Variants in SIK3 observed in about 807,000 individuals in gnomAD.
The protein encoded by SIK3 is SIK family kinase 3, also known as serine/threonine-protein kinase SIK3.
SIK3 carries 28 observed loss-of-function variants against 144.2 expected under a neutral mutation model. The observed-to-expected ratio is 0.19, with a 90% CI of 0.14 to 0.27. The LOEUF (loss-of-function observed/expected upper bound fraction) is 0.27. Among genes scored for constraint, SIK3 ranks in the 10% least tolerant of loss-of-function variants. The probability of loss-of-function intolerance (pLI) is 1.00; values close to 1 mark genes in which losing one functional copy is unlikely to be tolerated. For synonymous variants in SIK3, 686 were observed against 676.3 expected, an observed-to-expected ratio of 1.01 and a Z score of -0.22; for missense variants, 1,319 against 1,776.0, an observed-to-expected ratio of 0.74 and a Z score of 4.62.
intron 1 of SIK3, among the ~76,000 whole-genome samples, chr11:116,978,724 T>C (rs550159050): frequency 1.5e-4 from 23 of 151,794 alleles, no homozygotes; most frequent in Admixed American, 3.9e-4. Context: ...CCCAAGCTGG[T>C]CTTGAACTCC....
At chr11:116,881,727 G>A (rs1285098142) in intron 6 of SIK3, among the ~76,000 whole-genome samples, 2 of 152,192 alleles carry the variant, frequency 1.3e-5, no homozygotes, top group African/African-American at 4.8e-5. Context: ...AAAAAAAATA[G>A]GGAAGAAGAG....
intron 1 of SIK3, among the ~76,000 whole-genome samples, chr11:117,069,192 G>A (rs1193546229): frequency 1.4e-5 from 2 of 145,030 alleles, no homozygotes; most frequent in Admixed American, 6.9e-5. Context: ...TTTGGGGGGG[G>A]GGGGGTTTGT....
chr11:117,089,277 G>A (rs1955144730), intron 1 of SIK3, among the ~76,000 whole-genome samples: 1 of 152,014 alleles, frequency 6.6e-6, no homozygotes, highest in African/African-American at 2.4e-5. Flanking sequence ...CGTGGCGGCA[G>A]GCGCCTGTAG....
intron 1 of SIK3, among the ~76,000 whole-genome samples, chr11:117,088,913 C>T (rs2134064940): frequency 6.6e-6 from 1 of 152,166 alleles, no homozygotes; most frequent in South Asian, 2.1e-4. Context: ...AACTCTGGGG[C>T]TCAAGTGATC....
chr11:116,997,685 A>G (rs1213347397), intron 1 of SIK3, among the ~76,000 whole-genome samples: 2 of 152,238 alleles, frequency 1.3e-5, no homozygotes, highest in African/African-American at 4.8e-5. Context: ...ATATCAGTAT[A>G]CTAAAATGAG....
chr11:116,858,829 G>A lies in SIK3; in HGVS notation c.2766-130C>T. ...GTGGTGTGACAGAGAAGTGGCAGAT[G>A]TATGCATTGTCCCTATTTATTCCAT... On this transcript the variant is annotated intron_variant, in intron 20 of 24. Transcript: ENST00000445177. This position sits in a 1 kb window ranked among gnomAD's most constrained non-coding sequence, Gnocchi z 5.4. The A allele has an allele frequency of 7.5e-7, 1 of 1,338,106 alleles. No individual in the cohort carries two copies. The highest frequency in any genetic ancestry group is 2.8e-5 in the Admixed American group (1 of 35,090). 82.9% of individuals were successfully genotyped at this position (1,338,106 alleles called of 1,614,324 possible). A position where few individuals can be genotyped will look rare whatever the true frequency, so the allele number is the denominator to read the frequency against.
intron 1 of SIK3, among the ~76,000 whole-genome samples, chr11:117,080,670 G>A (rs115574136): frequency 0.015 from 2,233 of 152,168 alleles, 51 homozygotes; most frequent in African/African-American, 0.051. Context: ...AATCTGGGCT[G>A]GGCACGCTGA....
In SIK3 at chr11:116,867,696, G is replaced by A; in HGVS notation, c.1952+250C>T. On this transcript the variant is annotated intron_variant, in intron 15 of 24. Transcript: ENST00000445177. The surrounding 1 kb of genome is among the most constrained non-coding windows in gnomAD (Gnocchi z 4.1). ...TATGAATCAACATCTAGAATCATGG[G>A]AATCAAATGCAGACAATAAACAGGT... 1 of 363,106 alleles carries A rather than the reference G, an allele frequency of 2.8e-6. No homozygotes were observed. The highest frequency in any genetic ancestry group is 4.9e-6 in the Non-Finnish European group (1 of 203,714). 22.5% of individuals were successfully genotyped at this position (363,106 alleles called of 1,614,324 possible). A position where few individuals can be genotyped will look rare whatever the true frequency, so the allele number is the denominator to read the frequency against.
chr11:116,861,716 C>A (rs1943340928), intron 18 of SIK3, 125 bp downstream of exon 18: 7 of 683,274 alleles, frequency 1.0e-5, no homozygotes. Flanking sequence ...ACAGTGGTTT[C>A]TCTCCTTTTC....
chr11:116,906,257 T>C (rs934380942), intron 4 of SIK3, among the ~76,000 whole-genome samples: 1 of 151,958 alleles, frequency 6.6e-6, no homozygotes, highest in African/African-American at 2.4e-5. Flanking sequence ...ACAGAATATA[T>C]GGGATGAAAA....
chr11:117,023,617 A>ATATATATATATATATATATAT (rs1194910685), intron 1 of SIK3, among the ~76,000 whole-genome samples: 1 of 109,178 alleles, frequency 9.2e-6, no homozygotes, highest in Non-Finnish European at 1.8e-5. Flanking sequence ...AACAAAAAAA[A>ATATATATATATATATATATAT]AAAAATATAT....
chr11:117,085,847 T>C (rs1954980078), intron 1 of SIK3, among the ~76,000 whole-genome samples: 1 of 152,158 alleles, frequency 6.6e-6, no homozygotes. Context: ...TGGCCGGGCA[T>C]GGTGGCATGT....
At chr11:117,008,625 T>C (rs1951140151) in intron 1 of SIK3, among the ~76,000 whole-genome samples, 1 of 152,180 alleles carries the variant, frequency 6.6e-6, no homozygotes, top group Non-Finnish European at 1.5e-5. Flanking sequence ...TTTTTAAAAA[T>C]ATTAATCTCA....
chr11:116,879,290 T>C (rs1268917006), intron 6 of SIK3, among the ~76,000 whole-genome samples: 2 of 152,196 alleles, frequency 1.3e-5, no homozygotes, highest in South Asian at 2.1e-4. Context: ...CAGTAAGACA[T>C]TATTACAAAA....
At chr11:116,939,351 T>C (rs1267668281) in intron 3 of SIK3, among the ~76,000 whole-genome samples, 2 of 152,228 alleles carry the variant, frequency 1.3e-5, no homozygotes, top group African/African-American at 2.4e-5. Context: ...TTTCACCATG[T>C]TGGTCAGGCT....
In SIK3 at chr11:116,984,195, T is replaced by A. The variant is rs990138865; in HGVS notation, c.274-27131A>T. 2.0e-5 allele frequency among the ~76,000 whole-genome samples: 3 copies of A among 152,180 alleles called. No homozygotes were observed. The South Asian group carries it at 6.2e-4, about 31-fold the overall frequency. On this transcript the variant is annotated intron_variant, in intron 1 of 24. Coordinates refer to ENST00000445177, the MANE Select transcript of SIK3 (RefSeq NM_001366686.3). Reference sequence around the variant, plus strand: ...GATCTCCCCACCACACTGAAAGTGATGGCTACAAATTACCATATTCCCAAA... The same window carrying A: ...GATCTCCCCACCACACTGAAAGTGAAGGCTACAAATTACCATATTCCCAAA...
intron 1 of SIK3, among the ~76,000 whole-genome samples, chr11:117,048,631 G>A (rs555149313): frequency 2.0e-5 from 3 of 152,178 alleles, no homozygotes; most frequent in Non-Finnish European, 4.4e-5. Flanking sequence ...ACTCCAGCCT[G>A]GGCAATAAGA....
chr11:116,922,730 C>T (rs574714682), intron 4 of SIK3, among the ~76,000 whole-genome samples: 24 of 151,384 alleles, frequency 1.6e-4, no homozygotes, highest in East Asian at 5.8e-4. Context: ...ATCTTCTACA[C>T]GAAACTGGAT....
chr11:116,877,024 C>T lies in SIK3; in HGVS notation c.884G>A (p.Arg295His), dbSNP rs1341117931. ...FMSTECEHLIRHMLVLDPNKR... is the reference protein window; with the variant it reads ...FMSTECEHLIHHMLVLDPNKR... ...ATTGGGATCTAACACCAACATATGG[C>T]GGATCAAATGCTCACATTCTGCAAT... is the stretch of plus-strand genomic sequence containing the variant. The change falls in exon 7 of 25, where the codon CGC (arginine) becomes CAC (histidine). Residue 295 changes from arginine to histidine, a missense_variant. Physicochemically the swap from Arg to His is conservative, Grantham distance 29. Transcript: ENST00000445177. 5 of 1,614,064 alleles carry T rather than the reference C, an allele frequency of 3.1e-6. No individual in the cohort carries two copies. The highest frequency in any genetic ancestry group is 3.3e-4 in the Middle Eastern group (2 of 6,062).
Sources: allele counts gnomAD v4.1 joint callset (sites outside exome capture counted in the v4.1 genomes callset), GRCh38; gene constraint gnomAD v4.1.1; non-coding constraint Gnocchi (gnomAD v3.1); transcripts MANE v1.5; gene names NCBI Gene and HGNC (gene_info 2026-07-23, HGNC 2026-07-21).